The following IAH1 variants were observed in gnomAD, a reference collection of about 807,000 sequenced individuals.
The protein encoded by IAH1 is isoamyl acetate-hydrolyzing esterase 1 homolog.
Under a neutral mutation model 26.7 loss-of-function variants are expected in IAH1, and 24 were observed. The ratio of observed to expected loss-of-function variants is 0.90; its 90% CI spans 0.65 to 1.26. The LOEUF (loss-of-function observed/expected upper bound fraction) is 1.26. IAH1 is among the 50% of genes most tolerant of loss of function. IAH1 has a pLI of 0.00. For synonymous variants in IAH1, 140 were observed against 118.5 expected, an observed-to-expected ratio of 1.18 and a Z score of -1.18; for missense variants, 300 against 299.9, an observed-to-expected ratio of 1.00 and a Z score of 0.00.
chr2:9,475,408 C>G (rs1230756564), intron 1 of IAH1, among the ~76,000 whole-genome samples: 1 of 151,760 alleles, frequency 6.6e-6, no homozygotes, highest in African/African-American at 2.4e-5. Flanking sequence ...GCTCGGTAAC[C>G]AGCAAAGCAG....
At chr2:9,476,807 C>T (rs1660823648) in intron 2 of IAH1, among the ~76,000 whole-genome samples, 2 of 152,208 alleles carry the variant, frequency 1.3e-5, no homozygotes, top group Admixed American at 6.5e-5. Flanking sequence ...AAGGCAGGAA[C>T]TGGCTGTTTC....
At chr2:9,497,347 CCTTG>C, downstream of IAH1, 1 of 1,512,788 alleles carries the variant, frequency 6.6e-7, no homozygotes, top group Admixed American at 2.0e-5. Context: ...GAGCATCTTA[CCTTG>C]CAAAAGCAAA....
intron 4 of IAH1, among the ~76,000 whole-genome samples, chr2:9,481,683 C>T (rs1661182291): frequency 6.6e-6 from 1 of 152,158 alleles, no homozygotes. Context: ...AACCGCGGGC[C>T]TGGCATCTGC....
At chr2:9,505,073 G>C in the IAH1 span, 1 of 1,365,844 alleles carries the variant, frequency 7.3e-7, no homozygotes, top group Non-Finnish European at 1.0e-6. Context: ...ACCCCTTTCA[G>C]TTGATTCTAA....
chr2:9,481,815 G>T lies in IAH1; in HGVS notation c.445+368G>T, dbSNP rs548656986. ...GCCTTGACTTGGAAGTCCACACCTG[G>T]GGCTTTTTACTGGTCCACAGAAGCT... On this transcript the variant is annotated intron_variant, in intron 4 of 5. Coordinates refer to ENST00000497473, the MANE Select transcript of IAH1 (RefSeq NM_001039613.3). Among the ~76,000 whole-genome samples, 29 of 152,044 alleles carry T rather than the reference G, an allele frequency of 1.9e-4. No homozygotes were observed. In the South Asian group the frequency reaches 6.0e-3, roughly 32 times the overall value.
chr2:9,482,317 C>T (rs919646456), intron 4 of IAH1, among the ~76,000 whole-genome samples: 2 of 152,164 alleles, frequency 1.3e-5, no homozygotes, highest in African/African-American at 4.8e-5. Flanking sequence ...CGTGAGCCAC[C>T]GTTCCTGGAC....
At chr2:9,483,379 A>G (rs1661295551) in intron 4 of IAH1, among the ~76,000 whole-genome samples, 1 of 152,150 alleles carries the variant, frequency 6.6e-6, no homozygotes, top group Non-Finnish European at 1.5e-5. Context: ...AAGTAGCTGG[A>G]ACCACAGGCA....
At chr2:9,482,177 C>T (rs1216836850) in intron 4 of IAH1, among the ~76,000 whole-genome samples, 1 of 151,874 alleles carries the variant, frequency 6.6e-6, no homozygotes. Flanking sequence ...TATGGGTGTG[C>T]ACCACCACGC....
the IAH1 span, among the ~76,000 whole-genome samples, chr2:9,503,249 C>A: frequency 6.6e-6 from 1 of 151,820 alleles, no homozygotes; most frequent in Admixed American, 6.6e-5. Flanking sequence ...GTATTTACAG[C>A]GTTAATATGC....
chr2:9,494,707 A>C, downstream of IAH1: 1 of 1,614,142 alleles, frequency 6.2e-7, no homozygotes, highest in Admixed American at 1.7e-5. Context: ...TTCAGCATCG[A>C]CATAGGGCAC....
intron 2 of IAH1, among the ~76,000 whole-genome samples, chr2:9,477,376 A>T (rs762337248): frequency 3.9e-5 from 6 of 152,180 alleles, no homozygotes; most frequent in Non-Finnish European, 5.9e-5. Flanking sequence ...TTTTAAGAAA[A>T]CTTTATGGAC....
chr2:9,488,052 T>G (rs1661718830), intron 5 of IAH1, 95 bp from the exon 6 acceptor site: 1 of 833,596 alleles, frequency 1.2e-6, no homozygotes, highest in Non-Finnish European at 1.8e-6. Context: ...ACTCCTGTCT[T>G]CCAGTAATCC....
chr2:9,486,060 G>A (rs1477440003), intron 5 of IAH1: 2 of 152,234 alleles, frequency 1.3e-5, no homozygotes, highest in Non-Finnish European at 2.9e-5. Context: ...ACTAACCCAA[G>A]TGCCAACTTT....
chr2:9,493,849 A>G, downstream of IAH1: 2 of 1,582,806 alleles, frequency 1.3e-6, no homozygotes, highest in Non-Finnish European at 1.7e-6. Flanking sequence ...ACATACATAC[A>G]GCATCATTCC....
intron 5 of IAH1, among the ~76,000 whole-genome samples, chr2:9,487,833 T>TGTGTGCGCGC (rs1192269311): frequency 4.8e-5 from 4 of 82,704 alleles, no homozygotes; most frequent in Admixed American, 1.1e-4. Context: ...TGTGTGTGTG[T>TGTGTGCGCGC]GCGCGCGCGC....
At position 9,474,784 on chromosome 2, in the gene IAH1, C is replaced by A; in HGVS notation, c.81+137C>A. 1.6e-6 allele frequency: 1 copy of A among 629,610 alleles called. No homozygotes were observed. Among genetic ancestry groups the A allele is most frequent in the South Asian group, 2.9e-5 (1 of 34,238 alleles). The allele number at this position is 629,610 out of a possible 1,614,324, so 39.0% of individuals were successfully genotyped here. ...GGCCTGGCCACGCCCGTGGAGACAC[C>A]GGAGGAGTGGCGGGTCCCCCAGTGG... On this transcript the variant is annotated intron_variant, in intron 1 of 5. Coordinates refer to ENST00000497473, the MANE Select transcript of IAH1 (RefSeq NM_001039613.3). This position sits in a 1 kb window ranked among gnomAD's most constrained non-coding sequence, Gnocchi z 4.3.
upstream of IAH1, among the ~76,000 whole-genome samples, chr2:9,474,139 G>A (rs1682326188): frequency 6.6e-6 from 1 of 152,114 alleles, no homozygotes; most frequent in African/African-American, 2.4e-5. The surrounding 1 kb of genome is among the most constrained non-coding windows in gnomAD (Gnocchi z 4.3). Context: ...CCTCCAGAGT[G>A]ACGCTGGGCG....
chr2:9,504,315 C>G, the IAH1 span, among the ~76,000 whole-genome samples: 1 of 151,814 alleles, frequency 6.6e-6, no homozygotes, highest in South Asian at 2.1e-4. Flanking sequence ...CGTGATGGTG[C>G]GTACCTGTAG....
chr2:9,502,164 A>T, the IAH1 span: 1 of 1,611,520 alleles, frequency 6.2e-7, no homozygotes, highest in Non-Finnish European at 8.5e-7. Flanking sequence ...AAGCAACAAG[A>T]ACACGAACCT....
Sources: gnomAD v4.1 joint callset for allele counts (sites outside exome capture counted in the v4.1 genomes callset) on GRCh38, gnomAD v4.1.1 for gene constraint, Gnocchi (gnomAD v3.1) non-coding constraint, MANE v1.5 for transcripts, NCBI Gene and HGNC (gene_info 2026-07-23, HGNC 2026-07-21) for gene names.